The following TOP1 variants were observed in gnomAD, a reference collection of about 807,000 sequenced individuals.
The protein encoded by TOP1 is DNA topoisomerase I, also known as DNA topoisomerase 1.
In TOP1, 10 loss-of-function variants were observed where a neutral mutation model predicts 111.1. That is an observed-to-expected ratio of 0.09 (90% confidence interval 0.06 to 0.15). The LOEUF (loss-of-function observed/expected upper bound fraction) is 0.15. TOP1 is among the 10% of genes least tolerant of loss of function. The pLI is 1.00. For synonymous variants in TOP1, 271 were observed against 302.9 expected (o/e 0.89, Z 1.10); for missense variants, 474 against 926.7 (o/e 0.51, Z 6.34).
At chr20:41,107,713 G>A (rs1344609550) in intron 13 of TOP1, among the ~76,000 whole-genome samples, 1 of 152,188 alleles carries the variant, frequency 6.6e-6, no homozygotes, top group African/African-American at 2.4e-5. Flanking sequence ...ACTGTTGGCA[G>A]TTTTTCTGAG....
intron 18 of TOP1, among the ~76,000 whole-genome samples, chr20:41,119,866 G>A (rs771720438): frequency 3.3e-5 from 5 of 152,238 alleles, no homozygotes; most frequent in Non-Finnish European, 5.9e-5. Flanking sequence ...ATCTGGAATT[G>A]TTTATTCTCC....
intron 2 of TOP1, among the ~76,000 whole-genome samples, chr20:41,040,675 G>A (rs1023745614): frequency 1.3e-5 from 2 of 152,048 alleles, no homozygotes; most frequent in East Asian, 1.9e-4. Flanking sequence ...GCCTGGTGGC[G>A]CATGCCTGTA....
chr20:41,115,545 G>A lies in TOP1; in HGVS notation c.1707+106G>A, dbSNP rs2034315433. On this transcript the variant is annotated intron_variant, in intron 16 of 20. Coordinates refer to ENST00000361337, the MANE Select transcript of TOP1 (RefSeq NM_003286.4). This position sits in a 1 kb window ranked among gnomAD's most constrained non-coding sequence, Gnocchi z 6.3. ...TGACTTGGGCTCTCCCTTTAGCCTG[G>A]CCTGCTCTGTGGCATCCCATACACT... 7 of 811,548 alleles carry A rather than the reference G, an allele frequency of 8.6e-6. No homozygotes were observed. The highest frequency in any genetic ancestry group is 1.5e-5 in the Non-Finnish European group (7 of 475,362). The allele number at this position is 811,548 out of a possible 1,614,324, so 50.3% of individuals were successfully genotyped here.
chr20:41,084,851 A>G (rs564735005), intron 8 of TOP1, among the ~76,000 whole-genome samples: 41 of 152,340 alleles, frequency 2.7e-4, no homozygotes, highest in African/African-American at 9.9e-4. Context: ...GAGAGTACAG[A>G]TGCATTTAAA....
intron 3 of TOP1, among the ~76,000 whole-genome samples, chr20:41,075,767 T>C (rs2033719900): frequency 6.6e-6 from 1 of 152,224 alleles, no homozygotes. Flanking sequence ...CTTGGCTACA[T>C]GTGTGGTATG....
At position 41,079,438 on chromosome 20, in the gene TOP1, A is replaced by G. The variant is rs1200721203; in HGVS notation, c.336-647A>G. Among the ~76,000 whole-genome samples, 1 of 152,224 alleles carries G rather than the reference A, an allele frequency of 6.6e-6. No homozygotes were observed. The highest frequency in any genetic ancestry group is 2.4e-5 in the African/African-American group (1 of 41,444). ...TATTTTGAAGGTAAGATCTTAACAA[A>G]TAGTAGTGAGACACTCTTCTGTATA... On this transcript the variant is annotated intron_variant, in intron 5 of 20. Transcript: ENST00000361337. The surrounding 1 kb of genome is among the most constrained non-coding windows in gnomAD (Gnocchi z 4.0).
chr20:41,084,539 G>C lies in TOP1; in HGVS notation c.585G>C (p.Pro195=), dbSNP rs368613261. ...VPEPDNKKKK[P]KKEEEQKWKW... ...AGCCAGATAACAAGAAAAAGAAGCC[G>C]AAGAAAGAAGAGGAACAGAAGTGGA... Residue 195 remains proline, a synonymous_variant, in exon 8 of 21, where the codon CCG becomes CCC. Transcript: ENST00000361337. 6.4e-7 allele frequency: 1 copy of C among 1,571,840 alleles called. No individual in the cohort carries two copies. The highest frequency in any genetic ancestry group is 8.6e-7 in the Non-Finnish European group (1 of 1,157,036).
Position 41,077,654 on chromosome 20 carries a change from G to A in TOP1, c.335+17G>A, listed in dbSNP as rs1227963806. The A allele has an allele frequency of 6.2e-7, 1 of 1,613,134 alleles. No individual in the cohort carries two copies. The highest frequency in any genetic ancestry group is 1.1e-5 in the South Asian group (1 of 91,060). The stretch of plus-strand genomic sequence containing the variant: ...CTTCTCTAGGTAAGACTTTGCTGCT[G>A]CGTGGGCTTCCCTTTCTCTGGGTGG... On this transcript the variant is annotated intron_variant, in intron 5 of 20. Transcript: ENST00000361337.
At chr20:41,048,404 C>T (rs2033360261) in intron 2 of TOP1, among the ~76,000 whole-genome samples, 1 of 152,168 alleles carries the variant, frequency 6.6e-6, no homozygotes, top group Non-Finnish European at 1.5e-5. Context: ...TGCACTCAAG[C>T]ATTTAAAATT....
rs2122578625 is a variant in TOP1 at position 41,029,506 on chromosome 20, TC to T, written c.58+56del. On this transcript the variant is annotated intron_variant, in intron 2 of 20. Transcript: ENST00000361337. The surrounding 1 kb of genome is among the most constrained non-coding windows in gnomAD (Gnocchi z 6.1). ...CGGGGCCCCCCAGCCGCCGGCCGCC[TC>T]CCCCGCGCCCTGCCGGTGCCGGGCA... 8.8e-6 allele frequency: 13 copies of T among 1,472,078 alleles called. No individual in the cohort carries two copies. Among genetic ancestry groups the T allele is most frequent in the Admixed American group, 4.0e-5 (2 of 49,872 alleles). 91.2% of individuals were successfully genotyped at this position (1,472,078 alleles called of 1,614,324 possible).
chr20:41,087,707 A>T (rs1442250797), intron 8 of TOP1, among the ~76,000 whole-genome samples: 1 of 152,230 alleles, frequency 6.6e-6, no homozygotes, highest in African/African-American at 2.4e-5. Flanking sequence ...TTCTAAATTT[A>T]AAAAAATTAA....
rs1258126187 is a variant in TOP1, at chr20:41,029,613, A to G, written c.58+158A>G. The G allele has an allele frequency of 2.9e-6, 2 of 685,478 alleles. No homozygotes were observed. Among genetic ancestry groups the G allele is most frequent in the South Asian group, 1.6e-5 (1 of 63,860 alleles). 42.5% of individuals were successfully genotyped at this position (685,478 alleles called of 1,614,324 possible). A position where few individuals can be genotyped will look rare whatever the true frequency, so the allele number is the denominator to read the frequency against. The stretch of plus-strand genomic sequence containing the variant: ...ATTGTTCCCATCGGGCCGCCTCTTG[A>G]CCCCCTTTCCGGGGACCCCAGCTCC... On this transcript the variant is annotated intron_variant, in intron 2 of 20. Coordinates refer to ENST00000361337, the MANE Select transcript of TOP1 (RefSeq NM_003286.4). The surrounding 1 kb of genome is among the most constrained non-coding windows in gnomAD (Gnocchi z 6.1).
At chr20:41,091,288 A>C (rs1031397459) in intron 8 of TOP1, among the ~76,000 whole-genome samples, 1 of 152,218 alleles carries the variant, frequency 6.6e-6, no homozygotes, top group Non-Finnish European at 1.5e-5. Context: ...AACTTGAGGC[A>C]TAGCCAGTTG....
Position 41,115,652 on chromosome 20 carries a change from A to G in TOP1, c.1707+213A>G, listed in dbSNP as rs780944865. Among the ~76,000 whole-genome samples, 1 of 152,192 alleles carries G rather than the reference A, an allele frequency of 6.6e-6. No homozygotes were observed. The highest frequency in any genetic ancestry group is 1.5e-5 in the Non-Finnish European group (1 of 68,028). On this transcript the variant is annotated intron_variant, in intron 16 of 20. Coordinates refer to ENST00000361337, the MANE Select transcript of TOP1 (RefSeq NM_003286.4). The surrounding 1 kb of genome is among the most constrained non-coding windows in gnomAD (Gnocchi z 6.3). ...CTGCAGAACAACTGCTAAAGCACTC[A>G]GGGTGGGGGGTAGATGAGCCCTACC...
chr20:41,093,372 C>T (rs1002711082), intron 9 of TOP1, among the ~76,000 whole-genome samples: 8 of 152,212 alleles, frequency 5.3e-5, no homozygotes, highest in Non-Finnish European at 1.0e-4. Flanking sequence ...TGGATCTGAG[C>T]CCATTTAACA....
intron 3 of TOP1, among the ~76,000 whole-genome samples, chr20:41,064,660 G>A (rs985639494): frequency 6.6e-6 from 1 of 152,122 alleles, no homozygotes; most frequent in Non-Finnish European, 1.5e-5. Flanking sequence ...CCCCTTTGCT[G>A]TCATTCTTTT....
chr20:41,041,608 C>T (rs1414762474), intron 2 of TOP1, among the ~76,000 whole-genome samples: 1 of 152,042 alleles, frequency 6.6e-6, no homozygotes, highest in Non-Finnish European at 1.5e-5. Context: ...CCTTGTTTTT[C>T]TCAAGCTGAT....
In TOP1 at chr20:41,079,008, C is replaced by G. The variant is rs116820198; in HGVS notation, c.336-1077C>G. On this transcript the variant is annotated intron_variant, in intron 5 of 20. Transcript: ENST00000361337. This position sits in a 1 kb window ranked among gnomAD's most constrained non-coding sequence, Gnocchi z 4.0. ...TTGGGTAAATGATAGGCTTTCTTTC[C>G]TTCTGGACCCTAGGGTCTGTGTCAG... is the stretch of plus-strand genomic sequence containing the variant. Among the ~76,000 whole-genome samples, 1,073 of 152,228 alleles carry G rather than the reference C, an allele frequency of 7.0e-3. 12 individuals are homozygous for G. Among genetic ancestry groups the G allele is most frequent in the African/African-American group, 0.024 (1,016 of 41,536 alleles).
Position 41,029,325 on chromosome 20 carries a change from C to G in TOP1, c.34-106C>G. The G allele has an allele frequency of 9.3e-7, 1 of 1,072,156 alleles. No homozygotes were observed. The highest frequency in any genetic ancestry group is 1.3e-6 in the Non-Finnish European group (1 of 776,800). The allele number at this position is 1,072,156 out of a possible 1,614,324, so 66.4% of individuals were successfully genotyped here. A position where few individuals can be genotyped will look rare whatever the true frequency, so the allele number is the denominator to read the frequency against. On this transcript the variant is annotated intron_variant, in intron 1 of 20. Coordinates refer to ENST00000361337, the MANE Select transcript of TOP1 (RefSeq NM_003286.4). This position sits in a 1 kb window ranked among gnomAD's most constrained non-coding sequence, Gnocchi z 6.1. ...CCCTCTGTGGCCACCCCCGGGTCCCCGTCCTCCCCGGGGGCGCAGGGTGAG... is the reference window on the plus strand; with the variant it reads ...CCCTCTGTGGCCACCCCCGGGTCCCGGTCCTCCCCGGGGGCGCAGGGTGAG...
Sources: allele counts gnomAD v4.1 joint callset (sites outside exome capture counted in the v4.1 genomes callset), GRCh38; gene constraint gnomAD v4.1.1; non-coding constraint Gnocchi (gnomAD v3.1); transcripts MANE v1.5; gene names NCBI Gene and HGNC (gene_info 2026-07-23, HGNC 2026-07-21).